TRIM58: variants seen among roughly 807,000 people sequenced by gnomAD.
TRIM58 encodes tripartite motif containing 58, also known as E3 ubiquitin-protein ligase TRIM58.
Under a neutral mutation model 34.1 loss-of-function variants are expected in TRIM58, and 38 were observed. The observed-to-expected ratio is 1.12, with a 90% CI of 0.86 to 1.46. The LOEUF is 1.46. Among genes scored for constraint, TRIM58 ranks in the 40% most tolerant of loss-of-function variants. TRIM58 has a pLI of 0.00. For missense variants in TRIM58, 677 were observed against 642.0 expected, an observed-to-expected ratio of 1.05 and a Z score of -0.59; for synonymous variants, 273 against 275.7, an observed-to-expected ratio of 0.99 and a Z score of 0.10.
chr1:247,865,111 A>T (rs1249166963), intron 3 of TRIM58, among the ~76,000 whole-genome samples, 176 bp downstream of exon 3: 2 of 152,220 alleles, frequency 1.3e-5, no homozygotes, highest in African/African-American at 4.8e-5. Flanking sequence ...CATTCCTGGC[A>T]TCAGAATCAT....
chr1:247,869,675 T>C (rs1458885527), intron 5 of TRIM58, among the ~76,000 whole-genome samples: 1 of 152,214 alleles, frequency 6.6e-6, no homozygotes, highest in African/African-American at 2.4e-5. Context: ...CCATGCTGAA[T>C]TAGAGCATCT....
chr1:247,860,290 C>G (rs1054907293), intron 1 of TRIM58, among the ~76,000 whole-genome samples: 1 of 151,978 alleles, frequency 6.6e-6, no homozygotes, highest in Admixed American at 6.6e-5. Context: ...ATAGTAAGAC[C>G]CCATCTCTAC....
At position 247,876,050 on chromosome 1, in the gene TRIM58, T is replaced by G. The variant is rs1291879997; in HGVS notation, c.1022T>G (p.Phe341Cys). The G allele has an allele frequency of 6.2e-7, 1 of 1,614,154 alleles. No homozygotes were observed. Among genetic ancestry groups the G allele is most frequent in the African/African-American group, 1.3e-5 (1 of 75,030 alleles). ...TWPCILGLQS[F>C]SSGRHYWEVL... ...CCCTGCATCCTGGGTTTGCAGAGCTTCTCATCAGGGAGGCATTACTGGGAG... is the reference window on the plus strand; with the variant it reads ...CCCTGCATCCTGGGTTTGCAGAGCTGCTCATCAGGGAGGCATTACTGGGAG... The change falls in exon 6 of 6, where the codon TTC (phenylalanine) becomes TGC (cysteine). Residue 341 changes from phenylalanine (F) to cysteine (C), a missense_variant. Transcript: ENST00000366481.
At chr1:247,874,837 G>A (rs866587886) in intron 5 of TRIM58, among the ~76,000 whole-genome samples, 1 of 152,196 alleles carries the variant, frequency 6.6e-6, no homozygotes, top group Admixed American at 6.5e-5. Flanking sequence ...CCAGGCTTCT[G>A]TGTAGGTCGG....
In TRIM58 at chr1:247,868,055, A is replaced by G; in HGVS notation, c.863A>G (p.Lys288Arg). 6.2e-7 allele frequency: 1 copy of G among 1,605,414 alleles called. No homozygotes were observed. Among genetic ancestry groups the G allele is most frequent in the African/African-American group, 1.3e-5 (1 of 74,944 alleles). Residue 288 changes from lysine (K) to arginine (R), a missense_variant, in exon 5 of 6, where the codon AAG (lysine) becomes AGG (arginine). Transcript: ENST00000366481. Reference protein sequence around the residue: ...CIPGRRELLRKFQVDVKLDPA... With the variant: ...CIPGRRELLRRFQVDVKLDPA... Reference sequence around the variant, plus strand: ...CCTGGGAGGAGGGAGCTCTTAAGGAAGTTCCAAGGTAGTTGCATCTTAGAG... The same window carrying G: ...CCTGGGAGGAGGGAGCTCTTAAGGAGGTTCCAAGGTAGTTGCATCTTAGAG...
Position 247,857,195 on chromosome 1 carries a change from C to G in TRIM58, c.-52C>G. 3 of 1,302,512 alleles carry G rather than the reference C, an allele frequency of 2.3e-6. No individual in the cohort carries two copies. The highest frequency in any genetic ancestry group is 2.9e-6 in the Non-Finnish European group (3 of 1,021,748). 80.7% of individuals were successfully genotyped at this position (1,302,512 alleles called of 1,614,324 possible). ...TGGGCTCCTCCCCCTGTGCAGACCGCGAGGGGAGACGGTGCGGGCGGCCGG... is the reference window on the plus strand; with the variant it reads ...TGGGCTCCTCCCCCTGTGCAGACCGGGAGGGGAGACGGTGCGGGCGGCCGG... On this transcript the variant is annotated 5_prime_UTR_variant, in exon 1 of 6. Coordinates refer to ENST00000366481, the MANE Select transcript of TRIM58 (RefSeq NM_015431.4).
chr1:247,876,313 G>A lies in TRIM58; in HGVS notation c.1285G>A (p.Asp429Asn). The change falls in exon 6 of 6, where the codon GAT (aspartate) becomes AAT (asparagine). Residue 429 changes from aspartate (D) to asparagine (N), a missense_variant. Coordinates refer to ENST00000366481, the MANE Select transcript of TRIM58 (RefSeq NM_015431.4). ...TGAAATTTCATTCTACAATGTCACA[G>A]ATGGATCTTATATCTACACATTCAA... ...AGEISFYNVT[D>N]GSYIYTFNQL... 6.2e-7 allele frequency: 1 copy of A among 1,614,162 alleles called. No homozygotes were observed. The highest frequency in any genetic ancestry group is 8.5e-7 in the Non-Finnish European group (1 of 1,180,032).
At chr1:247,867,910 G>A in intron 4 of TRIM58, 43 bp downstream of exon 4, 3 of 1,614,092 alleles carry the variant, frequency 1.9e-6, no homozygotes, top group Non-Finnish European at 2.5e-6. Flanking sequence ...GGGAGAGGCA[G>A]AGGAGCTGGT....
chr1:247,863,992 T>C (rs576639737), intron 2 of TRIM58, among the ~76,000 whole-genome samples: 10 of 152,320 alleles, frequency 6.6e-5, no homozygotes, highest in African/African-American at 2.4e-4. Context: ...CCTTTTCTTA[T>C]TCAAACAAAC....
intron 5 of TRIM58, among the ~76,000 whole-genome samples, chr1:247,869,065 A>T (rs1317961387): frequency 6.6e-6 from 1 of 152,010 alleles, no homozygotes; most frequent in Non-Finnish European, 1.5e-5. Flanking sequence ...ATGCCTGGCT[A>T]ATTTTTATAT....
chr1:247,866,062 T>A (rs927727529), intron 3 of TRIM58, among the ~76,000 whole-genome samples: 1 of 152,116 alleles, frequency 6.6e-6, no homozygotes, highest in Non-Finnish European at 1.5e-5. Flanking sequence ...ATATTAAATT[T>A]ATATTTTATT....
chr1:247,865,906 C>CACTGAAAGTACCATGAATATA (rs1663909744), intron 3 of TRIM58, among the ~76,000 whole-genome samples: 1 of 152,114 alleles, frequency 6.6e-6, no homozygotes, highest in African/African-American at 2.4e-5. Flanking sequence ...CAGTTCTAGG[C>CACTGAAAGTACCATGAATATA]ACTGAAAGTA....
At chr1:247,861,374 A>G (rs1663790195) in intron 2 of TRIM58, among the ~76,000 whole-genome samples, 1 of 152,080 alleles carries the variant, frequency 6.6e-6, no homozygotes. Flanking sequence ...GGATGTCACA[A>G]CTGAGGAGGG....
In TRIM58 at chr1:247,875,970, G is replaced by A. The variant is rs1659275640; in HGVS notation, c.942G>A (p.Gln314=). 1 of 1,614,124 alleles carries A rather than the reference G, an allele frequency of 6.2e-7. No individual in the cohort carries two copies. Among genetic ancestry groups the A allele is most frequent in the African/African-American group, 1.3e-5 (1 of 74,934 alleles). The part of the protein sequence containing the change: ...LLLTADLRSV[Q]DGEPWRDVPN... ...TGACCGCCGACCTGCGCAGTGTGCA[G>A]GATGGAGAACCATGGAGGGATGTCC... Residue 314 remains glutamine (Q), a synonymous_variant, in exon 6 of 6, where the codon CAG becomes CAA. Transcript: ENST00000366481.
intron 5 of TRIM58, 103 bp from the exon 6 acceptor site, chr1:247,875,793 TAGAG>T (rs748664141): frequency 4.3e-5 from 38 of 891,668 alleles, no homozygotes; most frequent in South Asian, 2.1e-4. Flanking sequence ...TAGGAGTTAA[TAGAG>T]AGAGAAAAGT....
intron 3 of TRIM58, 34 bp from the exon 4 acceptor site, chr1:247,867,811 T>G: frequency 6.2e-7 from 1 of 1,613,966 alleles, no homozygotes; most frequent in Non-Finnish European, 8.5e-7. Flanking sequence ...CAGTTCAGAG[T>G]CCAACTCACA....
chr1:247,858,169 C>G (rs1395262276), intron 1 of TRIM58, among the ~76,000 whole-genome samples: 1 of 152,214 alleles, frequency 6.6e-6, no homozygotes, highest in South Asian at 2.1e-4. Flanking sequence ...GTACGGGTTC[C>G]GACCCCTCCA....
chr1:247,871,427 T>A (rs996447268), intron 5 of TRIM58, among the ~76,000 whole-genome samples: 7 of 152,232 alleles, frequency 4.6e-5, no homozygotes, highest in African/African-American at 1.7e-4. Flanking sequence ...ATTGTATTAT[T>A]CTTTAAAACA....
In TRIM58 at chr1:247,864,917, G is replaced by T. The variant is rs946696; in HGVS notation, c.729G>T (p.Pro243=). Residue 243 remains proline (P), a synonymous_variant, in exon 3 of 6, where the codon CCG becomes CCT. Coordinates refer to ENST00000366481, the MANE Select transcript of TRIM58 (RefSeq NM_015431.4). ...AGCTGCAGGAGAGGTGCCAGCGCCC[G>T]GCCCTGGGTCTGCTGGAGGTGAGGC... ...ADELQERCQR[P]ALGLLEGVRG... The T allele has an allele frequency of 6.3e-7, 1 of 1,583,268 alleles. No homozygotes were observed. Among genetic ancestry groups the T allele is most frequent in the East Asian group, 2.3e-5 (1 of 43,930 alleles).
Sources: allele counts gnomAD v4.1 joint callset (sites outside exome capture counted in the v4.1 genomes callset), GRCh38; gene constraint gnomAD v4.1.1; transcripts MANE v1.5; gene names NCBI Gene and HGNC (gene_info 2026-07-23, HGNC 2026-07-21).